CDKL5: variants seen among roughly 807,000 people sequenced by gnomAD.
CDKL5 encodes the protein cyclin-dependent kinase-like 5.
CDKL5 carries 8 observed loss-of-function variants against 61.7 expected under a neutral mutation model. The ratio of observed to expected loss-of-function variants is 0.13; its 90% CI spans 0.08 to 0.23. The LOEUF is 0.23. Ranked by LOEUF, CDKL5 falls within the 10% of genes least tolerant of loss-of-function variation. The pLI, the probability that CDKL5 is intolerant of heterozygous loss-of-function variation, is 1.00. For missense variants in CDKL5, 440 were observed against 734.5 expected, an observed-to-expected ratio of 0.60 and a Z score of 4.63; for synonymous variants, 275 against 272.3, an observed-to-expected ratio of 1.01 and a Z score of -0.10.
intron 4 of CDKL5, among the ~76,000 whole-genome samples, chrX:18,568,773 A>G (rs1221281416): frequency 9.1e-6 from 1 of 110,445 alleles, no homozygotes; most frequent in African/African-American, 3.3e-5. Flanking sequence ...GGCTCAGTGC[A>G]GCCTTGAACT....
At position 18,630,183 on chromosome X, in the gene CDKL5, C is replaced by A. The variant is rs1305621239; in HGVS notation, c.*1426C>A. The A allele has an allele frequency of 1.3e-6, 1 of 751,184 alleles. No homozygotes were observed. Among genetic ancestry groups the A allele is most frequent in the Non-Finnish European group, 1.6e-6 (1 of 638,582 alleles). 61.9% of individuals were successfully genotyped at this position (751,184 alleles called of 1,213,427 possible). ...ACTTATGACAAGATTTTCATGCACA[C>A]CTGTTACGCACACAACCCCCATCAG... On this transcript the variant is annotated 3_prime_UTR_variant, in exon 18 of 18. Coordinates refer to ENST00000623535, the MANE Select transcript of CDKL5 (RefSeq NM_001323289.2).
chrX:18,625,769 TTATA>T (rs1023750548), intron 17 of CDKL5, among the ~76,000 whole-genome samples: 2 of 112,004 alleles, frequency 1.8e-5, no homozygotes, highest in African/African-American at 6.5e-5. Flanking sequence ...TTAGACTGTA[TTATA>T]TAGTCACATT....
downstream of CDKL5, among the ~76,000 whole-genome samples, chrX:18,642,704 T>C (rs1429498468): frequency 8.9e-6 from 1 of 112,500 alleles, no homozygotes; most frequent in Non-Finnish European, 1.9e-5. Flanking sequence ...TTGATACAAG[T>C]GATGAGTACC....
At chrX:18,577,071 T>TG (rs1281922331) in intron 5 of CDKL5, among the ~76,000 whole-genome samples, 1 of 111,335 alleles carries the variant, frequency 9.0e-6, no homozygotes, top group African/African-American at 3.3e-5. Flanking sequence ...TGCTTTTTAT[T>TG]TTTTCATTAT....
chrX:18,509,197 G>GCACGCACGCGCGCGCGCACACACA (rs1204561636), intron 2 of CDKL5, among the ~76,000 whole-genome samples: 2 of 64,308 alleles, frequency 3.1e-5, no homozygotes, highest in South Asian at 2.2e-3. Context: ...CTCAAAACAC[G>GCACGCACGCGCGCGCGCACACACA]CACACACACA....
chrX:18,498,990 C>G (rs946605770), intron 1 of CDKL5, among the ~76,000 whole-genome samples: 1 of 111,047 alleles, frequency 9.0e-6, no homozygotes. Flanking sequence ...AGGCTGGTCT[C>G]GAACTCCTGG....
chrX:18,509,247 C>CACACACACACA (rs1569198549), intron 2 of CDKL5, among the ~76,000 whole-genome samples: 1 of 70,182 alleles, frequency 1.4e-5, no homozygotes, highest in East Asian at 4.9e-4. Flanking sequence ...ACACACACAC[C>CACACACACACA]CCTGTCAAGC....
At chrX:18,575,587 T>G (rs1190416056) in intron 5 of CDKL5, 97 bp downstream of exon 5, 1 of 778,645 alleles carries the variant, frequency 1.3e-6, no homozygotes, top group African/African-American at 2.0e-5. Context: ...TAATATGGCT[T>G]ATCAATGTAC....
intron 1 of CDKL5, among the ~76,000 whole-genome samples, chrX:18,454,089 T>C (rs1460553841): frequency 5.4e-5 from 6 of 111,647 alleles, no homozygotes; most frequent in Non-Finnish European, 1.1e-4. Context: ...GAAGGAATAG[T>C]GTTAGCAGGG....
chrX:18,575,160 C>T (rs922166942), intron 4 of CDKL5, among the ~76,000 whole-genome samples, 194 bp from the exon 5 acceptor site: 1 of 111,793 alleles, frequency 8.9e-6, no homozygotes, highest in Non-Finnish European at 1.9e-5. Flanking sequence ...ATCAAGTAAA[C>T]CCTTTCTTCG....
intron 3 of CDKL5, among the ~76,000 whole-genome samples, chrX:18,541,493 C>T (rs1367712698): frequency 9.0e-6 from 1 of 111,714 alleles, no homozygotes; most frequent in African/African-American, 3.3e-5. Flanking sequence ...CAGTTATTTG[C>T]TTTATTTTTC....
At chrX:18,456,473 A>G (rs759027856) in intron 1 of CDKL5, among the ~76,000 whole-genome samples, 5 of 112,637 alleles carry the variant, frequency 4.4e-5, no homozygotes, top group African/African-American at 6.4e-5. Context: ...TCAGTTGAGT[A>G]TATTATATTC....
At chrX:18,575,135 G>A (rs1288084960) in intron 4 of CDKL5, among the ~76,000 whole-genome samples, 2 of 112,043 alleles carry the variant, frequency 1.8e-5, no homozygotes, top group Non-Finnish European at 3.8e-5. Flanking sequence ...TAAGCAGGAA[G>A]TCAAGTTTGT....
Position 18,632,327 on chromosome X carries a change from G to A in CDKL5, c.*3570G>A. ...CCAGAGTTACTTTATAGGTGTTGGA[G>A]AACTTAAATTCTAGGTTAGCATCCT... On this transcript the variant is annotated 3_prime_UTR_variant, in exon 18 of 18. Coordinates refer to ENST00000623535, the MANE Select transcript of CDKL5 (RefSeq NM_001323289.2). 1.3e-6 allele frequency: 1 copy of A among 753,099 alleles called. No homozygotes were observed. The highest frequency in any genetic ancestry group is 1.6e-6 in the Non-Finnish European group (1 of 638,190). The allele number at this position is 753,099 out of a possible 1,213,427, so 62.1% of individuals were successfully genotyped here.
intron 1 of CDKL5, among the ~76,000 whole-genome samples, chrX:18,460,212 C>G (rs1327618030): frequency 9.0e-6 from 1 of 111,392 alleles, no homozygotes; most frequent in East Asian, 2.8e-4. Flanking sequence ...AGCTTTCAAT[C>G]ATGGCAGAAA....
Position 18,618,878 on chromosome X carries a change from A to G in CDKL5, c.2277-989A>G, listed in dbSNP as rs557826880. Among the ~76,000 whole-genome samples, 84 of 111,309 alleles carry G rather than the reference A, an allele frequency of 7.5e-4. 1 individual carries two copies. In the South Asian group the frequency reaches 0.031, roughly 41 times the overall value. ...CAGCTACTTGGGAGGCTGAGGCAGG[A>G]GAATCACTTGAACCCGGTAGGTGGA... On this transcript the variant is annotated intron_variant, in intron 15 of 17. Transcript: ENST00000623535.
rs1342791236 is a variant in CDKL5 at position 18,504,767 on chromosome X, T to TA, written c.-162-2160dup. ...TAACACGGTGAAACCCCGTCTCTAC[T>TA]AAAAAAAATACAAAAATTAGCCGGG... is the stretch of plus-strand genomic sequence containing the variant. On this transcript the variant is annotated intron_variant, in intron 1 of 17. Coordinates refer to ENST00000623535, the MANE Select transcript of CDKL5 (RefSeq NM_001323289.2). 3.7e-5 allele frequency among the ~76,000 whole-genome samples: 4 copies of TA among 108,581 alleles called. No homozygotes were observed. The East Asian group carries it at 8.7e-4, about 24-fold the overall frequency. 94.3% of individuals were successfully genotyped at this position (108,581 alleles called of 115,157 possible).
At chrX:18,531,707 CT>C (rs1196648656) in intron 3 of CDKL5, among the ~76,000 whole-genome samples, 5 of 104,024 alleles carry the variant, frequency 4.8e-5, no homozygotes, top group East Asian at 3.0e-4. Flanking sequence ...TTTCTTTTTT[CT>C]TTTTTTTTTG....
At chrX:18,556,882 C>CAA (rs67362338) in intron 3 of CDKL5, among the ~76,000 whole-genome samples, 2,037 of 44,007 alleles carry the variant, frequency 0.046, 270 homozygotes, top group African/African-American at 0.15. Context: ...GACTCCGTCT[C>CAA]AAAAAAAAAA....
Sources: allele counts gnomAD v4.1 joint callset (sites outside exome capture counted in the v4.1 genomes callset), GRCh38; gene constraint gnomAD v4.1.1; transcripts MANE v1.5; gene names NCBI Gene and HGNC (gene_info 2026-07-23, HGNC 2026-07-21).